NDUFAF6: variants seen among roughly 807,000 people sequenced by gnomAD.
NDUFAF6 encodes the protein NADH dehydrogenase (ubiquinone) complex I, assembly factor 6.
In NDUFAF6, 45 loss-of-function variants were observed where a neutral mutation model predicts 40.8. The observed-to-expected ratio is 1.10, with a 90% confidence interval of 0.87 to 1.42. NDUFAF6 has a LOEUF of 1.42. Among genes scored for constraint, NDUFAF6 ranks in the 40% most tolerant of loss-of-function variants. The pLI, the probability that NDUFAF6 is intolerant of heterozygous loss-of-function variation, is 0.00. For synonymous variants in NDUFAF6, 185 were observed against 155.9 expected, an observed-to-expected ratio of 1.19 and a Z score of -1.39; for missense variants, 435 against 418.5, an observed-to-expected ratio of 1.04 and a Z score of -0.34.
chr8:95,078,662 A>AAAAATATATATATATATATATATATAT (rs545018367), downstream of NDUFAF6: 7 of 121,038 alleles, frequency 5.8e-5, no homozygotes, highest in African/African-American at 2.0e-4. Flanking sequence ...AAAAAAAAAA[A>AAAAATATATATATATATATATATATAT]ATATATATAT....
At chr8:95,003,781 GT>G (rs1329724310) in intron 2 of NDUFAF6, among the ~76,000 whole-genome samples, 3 of 152,096 alleles carry the variant, frequency 2.0e-5, no homozygotes, top group African/African-American at 7.2e-5. Context: ...TAGCTACTAA[GT>G]TTTTTATTGT....
chr8:94,975,252 G>T (rs11784140), intron 1 of NDUFAF6: 21,902 of 152,192 alleles, frequency 0.14, 1,734 homozygotes, highest in Middle Eastern at 0.23. Context: ...TCCTTGAGCT[G>T]ATTTTTCCCT....
At chr8:94,978,543 C>G (rs1825156554) in intron 1 of NDUFAF6, among the ~76,000 whole-genome samples, 1 of 151,954 alleles carries the variant, frequency 6.6e-6, no homozygotes. Context: ...CAGTGAGACC[C>G]CATCTCCATG....
intron 1 of NDUFAF6, among the ~76,000 whole-genome samples, chr8:94,899,192 C>T (rs997624038): frequency 6.6e-6 from 1 of 152,198 alleles, no homozygotes; most frequent in South Asian, 2.1e-4. Context: ...AGCCACTGCA[C>T]CTGGCCAATT....
intron 5 of NDUFAF6, 93 bp downstream of exon 5, chr8:95,045,740 A>G: frequency 1.0e-6 from 1 of 959,662 alleles, no homozygotes. Flanking sequence ...CCAGTTTAGC[A>G]CTAAAGCCTT....
At chr8:94,914,860 T>G (rs1353730518) in intron 1 of NDUFAF6, among the ~76,000 whole-genome samples, 1 of 152,060 alleles carries the variant, frequency 6.6e-6, no homozygotes, top group Non-Finnish European at 1.5e-5. Context: ...GAGTAACATG[T>G]GGAACCACAT....
At chr8:95,096,552 C>CT, upstream of NDUFAF6, among the ~76,000 whole-genome samples, 1 of 152,162 alleles carries the variant, frequency 6.6e-6, no homozygotes, top group Admixed American at 6.5e-5. Context: ...CTCCCTGTGA[C>CT]CTGATGAGGT....
At chr8:95,082,651 GTTTT>G (rs989917939) in intron 2 of NDUFAF6, among the ~76,000 whole-genome samples, 9 of 148,614 alleles carry the variant, frequency 6.1e-5, no homozygotes, top group Non-Finnish European at 1.0e-4. Context: ...TTGTTTGTTT[GTTTT>G]GTTTTGTTTT....
At chr8:95,078,030 C>T (rs116067299), downstream of NDUFAF6, among the ~76,000 whole-genome samples, 1 of 152,024 alleles carries the variant, frequency 6.6e-6, no homozygotes, top group African/African-American at 2.4e-5. Flanking sequence ...ACAGCAGCCA[C>T]GGGACCACAG....
upstream of NDUFAF6, among the ~76,000 whole-genome samples, chr8:95,097,378 G>A (rs1809499924): frequency 1.3e-5 from 2 of 152,140 alleles, no homozygotes; most frequent in South Asian, 4.1e-4. Flanking sequence ...CTAAATGTTC[G>A]ACAATAGATG....
At chr8:94,952,563 G>A (rs150370778) in intron 2 of NDUFAF6, among the ~76,000 whole-genome samples, 165 of 152,312 alleles carry the variant, frequency 1.1e-3, no homozygotes, top group African/African-American at 3.9e-3. Flanking sequence ...ATTGTCTTAA[G>A]GGAAGAAAGG....
chr8:94,999,539 C>T (rs1035091332), intron 2 of NDUFAF6, among the ~76,000 whole-genome samples: 1 of 152,150 alleles, frequency 6.6e-6, no homozygotes, highest in Non-Finnish European at 1.5e-5. Flanking sequence ...GCCTCAGCCT[C>T]CCCAGTAGCT....
intron 2 of NDUFAF6, among the ~76,000 whole-genome samples, chr8:94,985,511 ATATATTTTTTTTTTTTTTTTTTT>A (rs1825818026): frequency 2.0e-4 from 1 of 5,052 alleles, no homozygotes. Flanking sequence ...ATATATATAT[ATATATTTTTTTTTTTTTTTTTTT>A]TTTTTTTTTT....
chr8:94,906,662 A>G (rs1424081804), intron 1 of NDUFAF6, among the ~76,000 whole-genome samples: 1 of 152,316 alleles, frequency 6.6e-6, no homozygotes, highest in African/African-American at 2.4e-5. Context: ...GGACATGCTG[A>G]CACAGAGCAG....
intron 1 of NDUFAF6, among the ~76,000 whole-genome samples, chr8:94,931,888 C>G (rs919144136): frequency 6.6e-6 from 1 of 152,110 alleles, no homozygotes; most frequent in African/African-American, 2.4e-5. Flanking sequence ...AAGAGAATCA[C>G]TTGAATCTGG....
intron 2 of NDUFAF6, among the ~76,000 whole-genome samples, chr8:94,997,327 CACACACACACACACACAG>C (rs1826482839): frequency 1.4e-5 from 2 of 139,488 alleles, no homozygotes; most frequent in Non-Finnish European, 3.1e-5. Context: ...CACACACACA[CACACACACACACACACAG>C]AGAGAGAGAG....
chr8:94,952,133 T>C (rs1822677286), intron 2 of NDUFAF6, among the ~76,000 whole-genome samples: 1 of 152,242 alleles, frequency 6.6e-6, no homozygotes, highest in Non-Finnish European at 1.5e-5. Context: ...CGCTCCCTTA[T>C]CTACCCTAAC....
chr8:95,010,309 G>A (rs546798285), intron 2 of NDUFAF6, among the ~76,000 whole-genome samples: 13 of 152,044 alleles, frequency 8.6e-5, no homozygotes, highest in African/African-American at 2.2e-4. Context: ...GCCTGGTCTC[G>A]AACTCCTGAC....
intron 1 of NDUFAF6, among the ~76,000 whole-genome samples, chr8:94,912,148 C>T (rs184563538): frequency 1.2e-4 from 19 of 152,162 alleles, no homozygotes; most frequent in African/African-American, 3.9e-4. Flanking sequence ...CTCTATCCTA[C>T]GAGGGAAAGA....
Sources: allele counts gnomAD v4.1 joint callset (sites outside exome capture counted in the v4.1 genomes callset), GRCh38; gene constraint gnomAD v4.1.1; transcripts MANE v1.5; gene names NCBI Gene and HGNC (gene_info 2026-07-23, HGNC 2026-07-21).